TJP1: variants seen among roughly 807,000 people sequenced by gnomAD.
TJP1 encodes the protein tight junction protein 1, also known as tight junction protein ZO-1.
Under a neutral mutation model 194.2 loss-of-function variants are expected in TJP1, and 43 were observed. The observed-to-expected ratio is 0.22, with a 90% CI of 0.17 to 0.29. TJP1 has a LOEUF of 0.29. TJP1 is among the 10% of genes least tolerant of loss of function. The pLI is 1.00. For synonymous variants in TJP1, 801 were observed against 779.0 expected (o/e 1.03, Z -0.47); for missense variants, 1,971 against 2,185.7 (o/e 0.90, Z 1.96).
intron 2 of TJP1, among the ~76,000 whole-genome samples, chr15:29,907,788 G>A (rs1373663281): frequency 6.6e-6 from 1 of 151,710 alleles, no homozygotes; most frequent in Non-Finnish European, 1.5e-5. Flanking sequence ...CTTCCCCCAG[G>A]TTCCCGCGAC....
intron 2 of TJP1, among the ~76,000 whole-genome samples, chr15:29,906,346 G>A (rs1215419282): frequency 3.3e-5 from 5 of 151,718 alleles, no homozygotes; most frequent in African/African-American, 9.7e-5. Context: ...CATGATGCAC[G>A]CCTGTAATCC....
rs1014234576 is a variant in TJP1, at chr15:29,701,770, G to C, written c.5213-81C>G. 7.2e-6 allele frequency: 7 copies of C among 967,458 alleles called. No homozygotes were observed. The African/African-American group carries it at 8.2e-5, about 11-fold the overall frequency. 59.9% of individuals were successfully genotyped at this position (967,458 alleles called of 1,614,324 possible). A position where few individuals can be genotyped will look rare whatever the true frequency, so the allele number is the denominator to read the frequency against. On this transcript the variant is annotated intron_variant, in intron 27 of 27. Transcript: ENST00000614355. ...TGCTTTGCAATTATAGGGCAAATAC[G>C]TATATTTAGACATAATTTTCTTCTG... is the stretch of plus-strand genomic sequence containing the variant.
chr15:29,906,926 T>G (rs1002097678), intron 2 of TJP1, among the ~76,000 whole-genome samples: 1 of 152,056 alleles, frequency 6.6e-6, no homozygotes, highest in African/African-American at 2.4e-5. Flanking sequence ...TGTGATGTAC[T>G]ATTAACTGGA....
chr15:29,768,133 T>C (rs948769268), intron 4 of TJP1, among the ~76,000 whole-genome samples: 1 of 152,158 alleles, frequency 6.6e-6, no homozygotes, highest in Non-Finnish European at 1.5e-5. Context: ...ACTACTACTA[T>C]TATTATCAGA....
At chr15:29,897,163 G>A (rs1468320415) in intron 2 of TJP1, among the ~76,000 whole-genome samples, 1 of 152,196 alleles carries the variant, frequency 6.6e-6, no homozygotes, top group Non-Finnish European at 1.5e-5. Flanking sequence ...ACATGGTTTT[G>A]TGGGCCAGGC....
intron 8 of TJP1, among the ~76,000 whole-genome samples, chr15:29,743,230 G>A (rs141836051): frequency 1.3e-5 from 2 of 152,226 alleles, no homozygotes; most frequent in East Asian, 3.9e-4. Flanking sequence ...ACTCAATGAA[G>A]CCACAGTATA....
chr15:29,749,727 T>A (rs753696164), intron 8 of TJP1, among the ~76,000 whole-genome samples: 3 of 152,284 alleles, frequency 2.0e-5, no homozygotes, highest in Non-Finnish European at 4.4e-5. Flanking sequence ...GTGAGCACCG[T>A]TGTTCCCTTT....
intron 2 of TJP1, among the ~76,000 whole-genome samples, chr15:29,915,015 C>G (rs1336346528): frequency 2.6e-5 from 4 of 152,012 alleles, no homozygotes; most frequent in Non-Finnish European, 5.9e-5. Flanking sequence ...AACTGTTGTT[C>G]AATGAATACT....
chr15:29,933,871 CG>C (rs941220796), intron 2 of TJP1, among the ~76,000 whole-genome samples: 3 of 151,946 alleles, frequency 2.0e-5, no homozygotes, highest in African/African-American at 7.3e-5. Flanking sequence ...AGAAAAGAAC[CG>C]GGGTCACAAC....
At position 29,842,052 on chromosome 15, in the gene TJP1, G is replaced by A. The variant is rs566711326; in HGVS notation, c.307-41350C>T. 9.2e-5 allele frequency among the ~76,000 whole-genome samples: 14 copies of A among 152,262 alleles called. No individual in the cohort carries two copies. In the South Asian group the frequency reaches 1.7e-3, roughly 18 times the overall value. On this transcript the variant is annotated intron_variant, in intron 2 of 28. Transcript: ENST00000356107. ...TTAGGCTATTTTATTTTGAAAGAGC[G>A]ATGAAAATTTGAGCAAATGATAGCT...
intron 2 of TJP1, among the ~76,000 whole-genome samples, chr15:29,842,965 A>G (rs1174449835): frequency 6.6e-6 from 1 of 152,176 alleles, no homozygotes; most frequent in Non-Finnish European, 1.5e-5. Flanking sequence ...CCTTACCAAT[A>G]AAAATGGGAT....
intron 2 of TJP1, among the ~76,000 whole-genome samples, chr15:29,941,270 T>G (rs2055066265): frequency 1.3e-5 from 2 of 152,198 alleles, no homozygotes; most frequent in African/African-American, 4.8e-5. Flanking sequence ...CTTCAGCCTC[T>G]ACCCAGGAGT....
At chr15:29,799,887 TTAAA>T (rs1320127454) in intron 2 of TJP1, among the ~76,000 whole-genome samples, 2 of 152,198 alleles carry the variant, frequency 1.3e-5, no homozygotes, top group African/African-American at 2.4e-5. Flanking sequence ...AGGCCAGTAT[TTAAA>T]TATTCTCTCT....
intron 2 of TJP1, among the ~76,000 whole-genome samples, chr15:29,839,495 A>G (rs957286293): frequency 6.6e-6 from 1 of 152,020 alleles, no homozygotes; most frequent in African/African-American, 2.4e-5. Flanking sequence ...CAGTTTAAAA[A>G]TTAGCAGGGT....
At chr15:29,882,593 G>A (rs907622398) in intron 2 of TJP1, among the ~76,000 whole-genome samples, 6 of 152,164 alleles carry the variant, frequency 3.9e-5, no homozygotes, top group African/African-American at 1.4e-4. Context: ...AGATTTAAGT[G>A]CAAAATTCCT....
At chr15:29,916,901 A>T (rs542997992) in intron 2 of TJP1, among the ~76,000 whole-genome samples, 16 of 152,084 alleles carry the variant, frequency 1.1e-4, no homozygotes, top group Middle Eastern at 3.4e-3. Context: ...TTCAAGCCCT[A>T]CCCTTAATCC....
At chr15:29,953,906 G>A (rs1227974256) in intron 2 of TJP1, among the ~76,000 whole-genome samples, 3 of 152,078 alleles carry the variant, frequency 2.0e-5, no homozygotes, top group Non-Finnish European at 4.4e-5. Flanking sequence ...AAACAACATC[G>A]TCCATGAAGC....
At chr15:29,833,857 G>A (rs1213023452) in intron 2 of TJP1, among the ~76,000 whole-genome samples, 2 of 25,868 alleles carry the variant, frequency 7.7e-5, no homozygotes, top group Non-Finnish European at 1.4e-4. Context: ...ATTTTTGTAA[G>A]TATATATATA....
At chr15:29,920,169 C>T (rs2054311321) in intron 2 of TJP1, among the ~76,000 whole-genome samples, 1 of 152,218 alleles carries the variant, frequency 6.6e-6, no homozygotes, top group Non-Finnish European at 1.5e-5. Context: ...AGTACGAACT[C>T]TCACTGGGGC....
Sources: allele counts gnomAD v4.1 joint callset (sites outside exome capture counted in the v4.1 genomes callset), GRCh38; gene constraint gnomAD v4.1.1; transcripts MANE v1.5; gene names NCBI Gene and HGNC (gene_info 2026-07-23, HGNC 2026-07-21).